MPPED2: variants seen among roughly 807,000 people sequenced by gnomAD.
MPPED2 encodes the protein metallophosphoesterase domain containing 2.
Under a neutral mutation model 33.0 loss-of-function variants are expected in MPPED2, and 5 were observed. The observed-to-expected ratio is 0.15, with a 90% CI of 0.08 to 0.32. The LOEUF is 0.32. Among genes scored for constraint, MPPED2 ranks in the 10% least tolerant of loss-of-function variants. The probability of loss-of-function intolerance (pLI) is 1.00; values close to 1 mark genes in which losing one functional copy is unlikely to be tolerated. For missense variants in MPPED2, 275 were observed against 372.1 expected (o/e 0.74, Z 2.15); for synonymous variants, 136 against 141.9 (o/e 0.96, Z 0.29).
chr11:30,518,769 A>G (rs1953682966), intron 3 of MPPED2, among the ~76,000 whole-genome samples: 1 of 152,236 alleles, frequency 6.6e-6, no homozygotes, highest in African/African-American at 2.4e-5. Context: ...GCGTATGCAC[A>G]GGACTGTGAA....
At chr11:30,399,077 A>G (rs1390396935) in intron 6 of MPPED2, among the ~76,000 whole-genome samples, 1 of 152,150 alleles carries the variant, frequency 6.6e-6, no homozygotes, top group East Asian at 1.9e-4. Flanking sequence ...ACCAACCACC[A>G]TTACATGAAA....
intron 4 of MPPED2, among the ~76,000 whole-genome samples, chr11:30,418,719 G>A (rs1203560853): frequency 6.6e-6 from 1 of 152,218 alleles, no homozygotes; most frequent in Non-Finnish European, 1.5e-5. Flanking sequence ...AGGTAAACCT[G>A]TGTATAAAGT....
intron 4 of MPPED2, among the ~76,000 whole-genome samples, chr11:30,484,431 C>T (rs988570523): frequency 7.9e-5 from 12 of 152,114 alleles, no homozygotes; most frequent in African/African-American, 2.9e-4. Context: ...CTTCCCATAT[C>T]CTCTCCTGAA....
chr11:30,532,068 T>C (rs1415319128), intron 3 of MPPED2, among the ~76,000 whole-genome samples: 2 of 152,228 alleles, frequency 1.3e-5, no homozygotes, highest in Non-Finnish European at 2.9e-5. Flanking sequence ...AAAAGGAAGC[T>C]AATAATACCT....
chr11:30,407,776 C>G (rs929165384), downstream of MPPED2, among the ~76,000 whole-genome samples: 18 of 152,122 alleles, frequency 1.2e-4, no homozygotes, highest in African/African-American at 3.4e-4. Flanking sequence ...GAGGCTAAGG[C>G]AGGAGAATTG....
chr11:30,528,491 C>T (rs922034712), intron 3 of MPPED2, among the ~76,000 whole-genome samples: 1 of 152,154 alleles, frequency 6.6e-6, no homozygotes, highest in African/African-American at 2.4e-5. Flanking sequence ...CTCCTGACCT[C>T]AAGTGATCCA....
intron 1 of MPPED2, chr11:30,584,694 G>C (rs1315297320): frequency 6.6e-6 from 1 of 152,402 alleles, no homozygotes; most frequent in Non-Finnish European, 1.5e-5. Context: ...CCTCCCGGGC[G>C]CGTTGGCATC....
At chr11:30,401,828 G>A (rs10835663) in intron 6 of MPPED2, among the ~76,000 whole-genome samples, 15,520 of 149,210 alleles carry the variant, frequency 0.1, 965 homozygotes, top group Middle Eastern at 0.18. Context: ...GGGACTACAG[G>A]CACCCGCTAC....
intron 2 of MPPED2, among the ~76,000 whole-genome samples, chr11:30,565,835 A>G (rs1455694346): frequency 6.6e-6 from 1 of 152,166 alleles, no homozygotes; most frequent in Non-Finnish European, 1.5e-5. Flanking sequence ...GTCACCCACA[A>G]TTAGAACTCC....
chr11:30,508,452 ATGGGCTGAAT>A (rs1952962503), intron 3 of MPPED2, among the ~76,000 whole-genome samples: 1 of 152,110 alleles, frequency 6.6e-6, no homozygotes, highest in African/African-American at 2.4e-5. Context: ...TGCTTCTTTT[ATGGGCTGAAT>A]TGTGTTCCCC....
chr11:30,585,245 C>T (rs1411514327), intron 1 of MPPED2, among the ~76,000 whole-genome samples: 1 of 152,172 alleles, frequency 6.6e-6, no homozygotes, highest in Non-Finnish European at 1.5e-5. Context: ...TACTCGTCCC[C>T]CGTCGCCTAG....
At chr11:30,443,998 A>C (rs773526230) in intron 4 of MPPED2, among the ~76,000 whole-genome samples, 2 of 152,204 alleles carry the variant, frequency 1.3e-5, no homozygotes, top group Non-Finnish European at 1.5e-5. Flanking sequence ...AGCAAAATAA[A>C]TGTCTTTTTT....
intron 3 of MPPED2, among the ~76,000 whole-genome samples, chr11:30,531,169 T>C (rs142771859): frequency 8.5e-4 from 130 of 152,356 alleles, no homozygotes; most frequent in African/African-American, 2.8e-3. Context: ...GAGCTGACTA[T>C]CACTTTAAAA....
intron 2 of MPPED2, 30 bp from the exon 3 acceptor site, chr11:30,536,205 GT>G (rs1954800713): frequency 3.3e-6 from 5 of 1,516,566 alleles, no homozygotes; most frequent in Non-Finnish European, 4.4e-6. Flanking sequence ...TCCCATAACA[GT>G]TAAACATATT....
In MPPED2 at chr11:30,410,763, G is replaced by T; in HGVS notation, c.*705C>A. 2.0e-6 allele frequency: 2 copies of T among 984,402 alleles called. No homozygotes were observed. Among genetic ancestry groups the T allele is most frequent in the Non-Finnish European group, 2.4e-6 (2 of 828,752 alleles). The allele number at this position is 984,402 out of a possible 1,614,324, so 61.0% of individuals were successfully genotyped here. A position where few individuals can be genotyped will look rare whatever the true frequency, so the allele number is the denominator to read the frequency against. On this transcript the variant is annotated 3_prime_UTR_variant, in exon 7 of 7. Transcript: ENST00000358117. ...AGTCTGCATGTTCATTTTTTTAACC[G>T]TATGAAATACCTGCTCTTGACAGAT...
chr11:30,432,668 C>T (rs1008028648), intron 4 of MPPED2, among the ~76,000 whole-genome samples: 4 of 152,100 alleles, frequency 2.6e-5, no homozygotes, highest in African/African-American at 9.7e-5. Flanking sequence ...GCTATACTTC[C>T]ACCCTATAAA....
chr11:30,445,220 G>T (rs1356148389), intron 4 of MPPED2, among the ~76,000 whole-genome samples: 3 of 152,130 alleles, frequency 2.0e-5, no homozygotes, highest in Non-Finnish European at 4.4e-5. Context: ...AAGGGCTCTG[G>T]GTATGTAAGA....
chr11:30,518,029 T>TA (rs1554988676), intron 3 of MPPED2, among the ~76,000 whole-genome samples: 3 of 151,638 alleles, frequency 2.0e-5, no homozygotes, highest in East Asian at 1.9e-4. Flanking sequence ...ATGACATTTT[T>TA]AAAAAAACAA....
chr11:30,405,470 ATT>A (rs900979996), downstream of MPPED2, among the ~76,000 whole-genome samples: 2 of 152,110 alleles, frequency 1.3e-5, no homozygotes, highest in African/African-American at 4.8e-5. Context: ...ATGGAAATGC[ATT>A]TCTCTCTCTC....
Sources: allele counts gnomAD v4.1 joint callset (sites outside exome capture counted in the v4.1 genomes callset), GRCh38; gene constraint gnomAD v4.1.1; transcripts MANE v1.5; gene names NCBI Gene and HGNC (gene_info 2026-07-23, HGNC 2026-07-21).